The following RBFOX1 variants were observed in gnomAD, a reference collection of about 807,000 sequenced individuals.
RBFOX1 encodes RNA binding protein fox-1 homolog 1.
In RBFOX1, 8 loss-of-function variants were observed where a neutral mutation model predicts 57.7. The observed-to-expected ratio is 0.14, with a 90% CI of 0.08 to 0.25. The LOEUF is 0.25. Ranked by LOEUF, RBFOX1 falls within the 10% of genes least tolerant of loss-of-function variation. The pLI is 1.00. For synonymous variants in RBFOX1, 326 were observed against 222.4 expected, an observed-to-expected ratio of 1.47 and a Z score of -4.15; for missense variants, 611 against 548.5, an observed-to-expected ratio of 1.11 and a Z score of -1.14.
At chr16:6,335,135 C>T (rs984840402) in intron 2 of RBFOX1, among the ~76,000 whole-genome samples, 3 of 152,176 alleles carry the variant, frequency 2.0e-5, no homozygotes, top group African/African-American at 7.2e-5. Context: ...AGCGCTTAAT[C>T]CATTTATACT....
chr16:7,653,699 C>T (rs2065616313), intron 11 of RBFOX1, 116 bp from the exon 12 acceptor site: 5 of 1,429,266 alleles, frequency 3.5e-6, no homozygotes, highest in Non-Finnish European at 4.7e-6. Context: ...GGGAAGCGGG[C>T]GGGGGTCCTG....
intron 2 of RBFOX1, among the ~76,000 whole-genome samples, chr16:6,540,547 G>A (rs941730801): frequency 4.0e-5 from 6 of 149,408 alleles, no homozygotes; most frequent in East Asian, 4.0e-4. Flanking sequence ...GGGAGGCCGA[G>A]GTTGCAGTGA....
chr16:6,645,383 C>T (rs1041007309), intron 2 of RBFOX1, among the ~76,000 whole-genome samples: 4 of 152,130 alleles, frequency 2.6e-5, no homozygotes, highest in African/African-American at 7.2e-5. Context: ...GTCTCGGGAG[C>T]TTCGTTGTCC....
intron 3 of RBFOX1, among the ~76,000 whole-genome samples, chr16:7,020,812 C>T (rs577155791): frequency 3.9e-5 from 6 of 152,202 alleles, no homozygotes; most frequent in East Asian, 1.9e-4. Flanking sequence ...CCACCCTGAC[C>T]GGCTTAAGTG....
intron 1 of RBFOX1, among the ~76,000 whole-genome samples, chr16:6,156,028 G>A (rs1395075618): frequency 6.6e-6 from 1 of 152,146 alleles, no homozygotes; most frequent in Admixed American, 6.5e-5. Context: ...GTAGGAGACT[G>A]GGGCAGAGAA....
At chr16:5,703,472 G>A (rs1400773603) in intron 3 of RBFOX1, among the ~76,000 whole-genome samples, 1 of 152,176 alleles carries the variant, frequency 6.6e-6, no homozygotes, top group Non-Finnish European at 1.5e-5. Flanking sequence ...ATGAGGCGAA[G>A]CCAGAGTACA....
intron 3 of RBFOX1, among the ~76,000 whole-genome samples, chr16:6,669,825 A>G (rs535414351): frequency 6.6e-6 from 1 of 152,306 alleles, no homozygotes; most frequent in African/African-American, 2.4e-5. Flanking sequence ...GTAGAAAAGC[A>G]AATGCTCACC....
chr16:5,423,617 AG>A (rs1390505343), intron 1 of RBFOX1, among the ~76,000 whole-genome samples: 2 of 152,178 alleles, frequency 1.3e-5, no homozygotes, highest in Non-Finnish European at 1.5e-5. Flanking sequence ...GTCTGTGAGC[AG>A]GGGCGGCCCA....
At chr16:6,653,843 A>G (rs1203330084) in intron 2 of RBFOX1, among the ~76,000 whole-genome samples, 3 of 150,584 alleles carry the variant, frequency 2.0e-5, no homozygotes, top group Non-Finnish European at 3.0e-5. Flanking sequence ...TAGATGGATG[A>G]TTGGATAGAT....
intron 3 of RBFOX1, among the ~76,000 whole-genome samples, chr16:6,853,479 T>C (rs1340762612): frequency 2.0e-5 from 3 of 152,094 alleles, no homozygotes; most frequent in African/African-American, 7.2e-5. Context: ...GGATGGTGCC[T>C]ACAGTGTGGT....
intron 3 of RBFOX1, among the ~76,000 whole-genome samples, chr16:6,907,826 G>A (rs1039029236): frequency 6.7e-6 from 1 of 150,208 alleles, no homozygotes; most frequent in Admixed American, 6.6e-5. Flanking sequence ...CACCCGCCTC[G>A]GCCTCCCAAA....
intron 3 of RBFOX1, among the ~76,000 whole-genome samples, chr16:6,857,113 C>T (rs890280034): frequency 1.8e-4 from 28 of 152,168 alleles, no homozygotes; most frequent in Admixed American, 1.4e-3. Flanking sequence ...AAAACCCTGA[C>T]ACAAATCTCT....
At chr16:7,023,320 A>C (rs946594930) in intron 3 of RBFOX1, among the ~76,000 whole-genome samples, 7 of 151,558 alleles carry the variant, frequency 4.6e-5, no homozygotes, top group Non-Finnish European at 1.0e-4. Context: ...GTTAGCTGGG[A>C]GTGGTGGTGC....
rs867693244 is a variant in RBFOX1, at chr16:7,036,405, C to G, written c.-15-15652C>G. On this transcript the variant is annotated intron_variant, in intron 3 of 15. Transcript: ENST00000550418. ...AGATCCCCAGATAGGGTTCTTGGAT[C>G]TCCCTCAAGAAAGAATTCAGGGCGG... Among the ~76,000 whole-genome samples, 7 of 152,066 alleles carry G rather than the reference C, an allele frequency of 4.6e-5. 1 individual carries two copies. Among genetic ancestry groups the G allele is most frequent in the Non-Finnish European group, 8.8e-5 (6 of 68,026 alleles).
chr16:7,415,647 T>C (rs1597873636), intron 4 of RBFOX1, among the ~76,000 whole-genome samples: 1 of 152,260 alleles, frequency 6.6e-6, no homozygotes, highest in East Asian at 1.9e-4. Flanking sequence ...GTATTCTCTG[T>C]TCTCTCTCTT....
chr16:6,680,274 CTT>C lies in RBFOX1; in HGVS notation c.-16+25643_-16+25644del, dbSNP rs1180378585. On this transcript the variant is annotated intron_variant, in intron 3 of 15. Coordinates refer to ENST00000550418, the MANE Select transcript of RBFOX1 (RefSeq NM_018723.4). Reference sequence around the variant, plus strand: ...GTCTTTGCTTTGCTTTTCTCTCTCTCTTTTTTTTTTTTTTTTTTTTATTTGTC... The same window carrying C: ...GTCTTTGCTTTGCTTTTCTCTCTCTCTTTTTTTTTTTTTTTTTTATTTGTC... Among the ~76,000 whole-genome samples the C allele has an allele frequency of 4.7e-3, 414 of 88,910 alleles. 1 individual carries two copies. The highest frequency in any genetic ancestry group is 0.021 in the Middle Eastern group (3 of 146). 58.3% of individuals were successfully genotyped at this position (88,910 alleles called of 152,430 possible). A position where few individuals can be genotyped will look rare whatever the true frequency, so the allele number is the denominator to read the frequency against.
At chr16:7,707,877 G>A (rs1003334026) in intron 14 of RBFOX1, among the ~76,000 whole-genome samples, 2 of 152,092 alleles carry the variant, frequency 1.3e-5, no homozygotes, top group African/African-American at 2.4e-5. Context: ...ACCCCATTCG[G>A]TAAGTCACTT....
At chr16:6,870,094 A>T (rs1355784918) in intron 3 of RBFOX1, among the ~76,000 whole-genome samples, 1 of 152,094 alleles carries the variant, frequency 6.6e-6, no homozygotes, top group African/African-American at 2.4e-5. Context: ...TTCTTTTTGG[A>T]TGATGATAAT....
chr16:5,536,975 C>G (rs956924824), intron 2 of RBFOX1, among the ~76,000 whole-genome samples: 15 of 152,196 alleles, frequency 9.9e-5, no homozygotes, highest in African/African-American at 3.4e-4. Context: ...ACACACTCTG[C>G]TAAGCTTTCT....
Sources: gnomAD v4.1 joint callset for allele counts (sites outside exome capture counted in the v4.1 genomes callset) on GRCh38, gnomAD v4.1.1 for gene constraint, MANE v1.5 for transcripts, NCBI Gene and HGNC (gene_info 2026-07-23, HGNC 2026-07-21) for gene names.